PACRG: variants seen among roughly 807,000 people sequenced by gnomAD.
PACRG encodes the protein parkin coregulated gene protein.
Under a neutral mutation model 29.7 loss-of-function variants are expected in PACRG, and 29 were observed. The observed-to-expected ratio is 0.98, with a 90% confidence interval of 0.73 to 1.33. The LOEUF is 1.33. PACRG is among the 40% of genes most tolerant of loss of function. The probability of loss-of-function intolerance (pLI) is 0.00; values close to 1 mark genes in which losing one functional copy is unlikely to be tolerated. For synonymous variants in PACRG, 116 were observed against 118.7 expected (o/e 0.98, Z 0.15); for missense variants, 279 against 316.2 (o/e 0.88, Z 0.89).
chr6:163,064,285 T>C (rs1390106944), intron 3 of PACRG, among the ~76,000 whole-genome samples: 3 of 152,196 alleles, frequency 2.0e-5, no homozygotes, highest in African/African-American at 7.2e-5. Context: ...GTTTGATCTG[T>C]ATTTTGAAGA....
At chr6:163,270,309 T>C (rs1783776968) in intron 4 of PACRG, among the ~76,000 whole-genome samples, 1 of 152,180 alleles carries the variant, frequency 6.6e-6, no homozygotes, top group Non-Finnish European at 1.5e-5. Flanking sequence ...TCTCATATCA[T>C]CACGAAAACT....
intron 2 of PACRG, among the ~76,000 whole-genome samples, chr6:162,946,083 G>A (rs944765976): frequency 1.1e-4 from 17 of 152,028 alleles, no homozygotes; most frequent in African/African-American, 4.1e-4. Flanking sequence ...ACAATCTAAT[G>A]ATGTATCTCA....
chr6:163,197,109 A>T lies in PACRG; in HGVS notation c.613+107701A>T, dbSNP rs528218695. On this transcript the variant is annotated intron_variant, in intron 4 of 4. Coordinates refer to ENST00000366888, the MANE Select transcript of PACRG (RefSeq NM_001080379.2). ...TAAACTTTTAAAAACTTGAACCTAAAATTTTCAAGATAACTTTTTTCTGCC... is the reference window on the plus strand; with the variant it reads ...TAAACTTTTAAAAACTTGAACCTAATATTTTCAAGATAACTTTTTTCTGCC... Among the ~76,000 whole-genome samples the T allele has an allele frequency of 3.3e-5, 5 of 152,332 alleles. No homozygotes were observed. In the South Asian group the frequency reaches 6.2e-4, roughly 19 times the overall value.
intron 2 of PACRG, among the ~76,000 whole-genome samples, chr6:163,035,893 C>T (rs1808143545): frequency 6.6e-6 from 1 of 151,934 alleles, no homozygotes. Context: ...TCATTTTACC[C>T]AGCTCCTATT....
At chr6:162,947,797 C>T (rs1436260261) in intron 2 of PACRG, among the ~76,000 whole-genome samples, 1 of 149,582 alleles carries the variant, frequency 6.7e-6, no homozygotes, top group South Asian at 2.1e-4. Context: ...AATCCATTTA[C>T]AATAGCTACA....
chr6:163,300,803 C>T (rs1011038856), intron 4 of PACRG, among the ~76,000 whole-genome samples: 1 of 80,782 alleles, frequency 1.2e-5, no homozygotes, highest in African/African-American at 7.3e-5. Context: ...AATCTGCTTC[C>T]TCCCATGAGT....
intron 2 of PACRG, among the ~76,000 whole-genome samples, chr6:162,816,577 C>T (rs1050254576): frequency 1.3e-5 from 2 of 152,152 alleles, no homozygotes; most frequent in African/African-American, 4.8e-5. Flanking sequence ...TGGTCTCGAT[C>T]TCCTGACCTC....
chr6:163,219,289 CT>C (rs1346217786), intron 4 of PACRG, among the ~76,000 whole-genome samples: 1 of 152,174 alleles, frequency 6.6e-6, no homozygotes, highest in Non-Finnish European at 1.5e-5. Flanking sequence ...CTTTATTCTT[CT>C]CTAATCCTTA....
intron 2 of PACRG, among the ~76,000 whole-genome samples, chr6:162,970,944 A>G (rs980106189): frequency 6.6e-6 from 1 of 152,206 alleles, no homozygotes; most frequent in African/African-American, 2.4e-5. Flanking sequence ...GTGTAAATAC[A>G]TTCCATTTTT....
chr6:163,189,529 A>T (rs911112841), intron 4 of PACRG: 1 of 152,222 alleles, frequency 6.6e-6, no homozygotes, highest in Admixed American at 6.5e-5. Context: ...GCTGAATGGC[A>T]TTGCCAATTA....
chr6:162,976,123 G>A (rs962278862), intron 2 of PACRG, among the ~76,000 whole-genome samples: 2 of 152,190 alleles, frequency 1.3e-5, no homozygotes, highest in Non-Finnish European at 2.9e-5. Flanking sequence ...CCCGGAGGCC[G>A]TGAGTAGTGA....
intron 4 of PACRG, among the ~76,000 whole-genome samples, chr6:163,174,721 C>T (rs1779261902): frequency 6.6e-6 from 1 of 152,080 alleles, no homozygotes; most frequent in Non-Finnish European, 1.5e-5. Flanking sequence ...TCAATTTCTT[C>T]TTATTCAATT....
At chr6:163,277,477 ATGTGTG>A (rs569716710) in intron 4 of PACRG, among the ~76,000 whole-genome samples, 43 of 65,230 alleles carry the variant, frequency 6.6e-4, no homozygotes, top group Non-Finnish European at 1.9e-4. Flanking sequence ...GTGTGTGTGT[ATGTGTG>A]TATATATATA....
At chr6:162,952,183 A>C (rs1799703380) in intron 2 of PACRG, among the ~76,000 whole-genome samples, 1 of 152,172 alleles carries the variant, frequency 6.6e-6, no homozygotes. Context: ...TTATTTATTT[A>C]GTTGCTAACC....
rs113512390 is a variant in PACRG at position 162,784,519 on chromosome 6, G to GT, written c.157-29620dup. 7.0e-3 allele frequency among the ~76,000 whole-genome samples: 1,058 copies of GT among 151,936 alleles called. 20 individuals are homozygous for GT. Among genetic ancestry groups the GT allele is most frequent in the African/African-American group, 0.025 (1,016 of 41,418 alleles). ...CTTGTACTATTTTCAGACACTGAAG[G>GT]TTTTTTTTGTTTGTTGTTTGTTTGT... On this transcript the variant is annotated intron_variant, in intron 1 of 4. Transcript: ENST00000366888.
In PACRG at chr6:162,999,078, A is replaced by T. The variant is rs80058588; in HGVS notation, c.292-63072A>T. Among the ~76,000 whole-genome samples the T allele has an allele frequency of 6.1e-3, 928 of 152,344 alleles. 4 individuals are homozygous for T. The highest frequency in any genetic ancestry group is 0.015 in the African/African-American group (638 of 41,578). On this transcript the variant is annotated intron_variant, in intron 2 of 4. Transcript: ENST00000366888. ...ACTATTCCCTACTGGACAGACATTC[A>T]TATTGGCAGAAAGAATATGAAAAAA... is the stretch of plus-strand genomic sequence containing the variant.
intron 1 of PACRG, among the ~76,000 whole-genome samples, chr6:162,750,057 G>A (rs1781403028): frequency 6.6e-6 from 1 of 152,092 alleles, no homozygotes. Context: ...GTGTACTGAT[G>A]TTTCTCCTTA....
At chr6:163,039,000 T>C (rs1174780226) in intron 2 of PACRG, among the ~76,000 whole-genome samples, 1 of 152,194 alleles carries the variant, frequency 6.6e-6, no homozygotes, top group Non-Finnish European at 1.5e-5. Context: ...ATGGTTTAGA[T>C]CTATGTCCCC....
intron 1 of PACRG, among the ~76,000 whole-genome samples, chr6:162,795,731 A>T (rs1052865276): frequency 8.6e-5 from 13 of 152,018 alleles, no homozygotes; most frequent in Non-Finnish European, 8.8e-5. Flanking sequence ...CTATCACAAA[A>T]TAGTGTGTTT....
Sources: gnomAD v4.1 joint callset for allele counts (sites outside exome capture counted in the v4.1 genomes callset) on GRCh38, gnomAD v4.1.1 for gene constraint, MANE v1.5 for transcripts, NCBI Gene and HGNC (gene_info 2026-07-23, HGNC 2026-07-21) for gene names.